SHQ1: variants seen among roughly 807,000 people sequenced by gnomAD.
SHQ1 encodes the protein SHQ1, H/ACA ribonucleoprotein assembly factor.
In SHQ1, 49 loss-of-function variants were observed where a neutral mutation model predicts 53.8. The ratio of observed to expected loss-of-function variants is 0.91; its 90% CI spans 0.72 to 1.16. SHQ1 has a LOEUF of 1.16. Among genes scored for constraint, SHQ1 ranks in the 50% most tolerant of loss-of-function variants. The pLI is 0.00. For synonymous variants in SHQ1, 243 were observed against 251.0 expected (o/e 0.97, Z 0.30); for missense variants, 738 against 683.1 (o/e 1.08, Z -0.90).
the SHQ1 span, among the ~76,000 whole-genome samples, chr3:72,734,576 A>T: frequency 6.6e-6 from 1 of 151,646 alleles, no homozygotes; most frequent in Non-Finnish European, 1.5e-5. Flanking sequence ...CATCATTAAT[A>T]GTAGTAGTAG....
chr3:72,728,622 G>T, the SHQ1 span, among the ~76,000 whole-genome samples: 106 of 152,354 alleles, frequency 7.0e-4, no homozygotes, highest in Middle Eastern at 3.4e-3. Flanking sequence ...CGGCTGCTCT[G>T]AAGTCAAATC....
chr3:72,815,824 T>C (rs1575717563), intron 7 of SHQ1, among the ~76,000 whole-genome samples: 2 of 152,316 alleles, frequency 1.3e-5, no homozygotes, highest in Non-Finnish European at 2.9e-5. Flanking sequence ...GCTAGAAAAT[T>C]TGATCTTTCA....
intron 6 of SHQ1, among the ~76,000 whole-genome samples, chr3:72,820,551 T>C (rs895493706): frequency 2.0e-5 from 3 of 152,160 alleles, no homozygotes; most frequent in Non-Finnish European, 2.9e-5. Flanking sequence ...CTGTAAATCA[T>C]ATCACCCAAA....
At chr3:72,751,498 G>GTACATATATATATATATATATATA (rs1274696079) in intron 10 of SHQ1, among the ~76,000 whole-genome samples, 1 of 119,864 alleles carries the variant, frequency 8.3e-6, no homozygotes, top group Non-Finnish European at 1.6e-5. Context: ...GTGTGTGTGT[G>GTACATATATATATATATATATATA]TGTGTGTGTG....
intron 10 of SHQ1, among the ~76,000 whole-genome samples, chr3:72,778,293 C>T (rs1705998830): frequency 6.6e-6 from 1 of 151,896 alleles, no homozygotes; most frequent in South Asian, 2.1e-4. Flanking sequence ...GACTCTATCT[C>T]TACAAAAAAT....
At chr3:72,816,809 T>C (rs1364622910) in intron 7 of SHQ1, among the ~76,000 whole-genome samples, 1 of 152,202 alleles carries the variant, frequency 6.6e-6, no homozygotes, top group East Asian at 1.9e-4. Flanking sequence ...ATTTCTCTAT[T>C]TTGTAAAATG....
chr3:72,731,923 T>G, the SHQ1 span, among the ~76,000 whole-genome samples: 1 of 151,304 alleles, frequency 6.6e-6, no homozygotes, highest in East Asian at 1.9e-4. Context: ...GGCTGCGTCC[T>G]GTGAGCACAG....
At chr3:72,833,736 A>G (rs1707910117) in intron 4 of SHQ1, among the ~76,000 whole-genome samples, 1 of 152,240 alleles carries the variant, frequency 6.6e-6, no homozygotes, top group Non-Finnish European at 1.5e-5. Flanking sequence ...AATGGACATT[A>G]GGAAAACTGC....
rs114356583 is a variant in SHQ1, at chr3:72,831,649, C to T, written c.599+720G>A. Among the ~76,000 whole-genome samples, 1,311 of 152,322 alleles carry T rather than the reference C, an allele frequency of 8.6e-3. 30 individuals carry two copies. The highest frequency in any genetic ancestry group is 0.03 in the African/African-American group (1,253 of 41,572). On this transcript the variant is annotated intron_variant, in intron 5 of 10. Coordinates refer to ENST00000325599, the MANE Select transcript of SHQ1 (RefSeq NM_018130.3). Reference sequence around the variant, plus strand: ...AACCCTCATTCTCCACGCATCCTAGCAGAGCCACATGTCCAAGAGAGGTCA... The same window carrying T: ...AACCCTCATTCTCCACGCATCCTAGTAGAGCCACATGTCCAAGAGAGGTCA...
intron 10 of SHQ1, among the ~76,000 whole-genome samples, chr3:72,776,690 G>C (rs1380334218): frequency 6.8e-6 from 1 of 147,394 alleles, no homozygotes; most frequent in African/African-American, 2.7e-5. Context: ...GAAAACTTAA[G>C]AGAGTCATAC....
intron 9 of SHQ1, among the ~76,000 whole-genome samples, chr3:72,796,025 C>T (rs938894905): frequency 1.3e-5 from 2 of 149,564 alleles, no homozygotes; most frequent in Admixed American, 1.3e-4. Flanking sequence ...ATCACTGGAC[C>T]CGGGGAGGCA....
At chr3:72,777,901 A>C (rs984338170) in intron 10 of SHQ1, among the ~76,000 whole-genome samples, 1 of 152,220 alleles carries the variant, frequency 6.6e-6, no homozygotes, top group Non-Finnish European at 1.5e-5. Context: ...AACTCTATGC[A>C]TCATCATGGA....
At chr3:72,742,619 C>CTTT in the SHQ1 span, among the ~76,000 whole-genome samples, 25,521 of 128,192 alleles carry the variant, frequency 0.2, 2,676 homozygotes, top group Non-Finnish European at 0.23. Flanking sequence ...TTCTTTTTTT[C>CTTT]TTTTTTTTTT....
the SHQ1 span, among the ~76,000 whole-genome samples, chr3:72,738,826 AC>A: frequency 1.3e-5 from 2 of 151,676 alleles, no homozygotes; most frequent in Admixed American, 6.6e-5. Flanking sequence ...CCGCTGGGAG[AC>A]CCTCCTCCAG....
chr3:72,752,250 A>C (rs1433812302), intron 10 of SHQ1, among the ~76,000 whole-genome samples: 1 of 152,204 alleles, frequency 6.6e-6, no homozygotes, highest in Non-Finnish European at 1.5e-5. Context: ...AAATAACAGG[A>C]AAGATATCAA....
chr3:72,732,516 T>C, the SHQ1 span, among the ~76,000 whole-genome samples: 2 of 150,028 alleles, frequency 1.3e-5, no homozygotes, highest in African/African-American at 5.0e-5. Context: ...CCAGGTACTT[T>C]GGAACCTTGG....
chr3:72,727,283 A>G, the SHQ1 span, among the ~76,000 whole-genome samples: 1 of 152,102 alleles, frequency 6.6e-6, no homozygotes, highest in Non-Finnish European at 1.5e-5. Flanking sequence ...ATACACAAAC[A>G]TGGCTTCAAA....
intron 10 of SHQ1, among the ~76,000 whole-genome samples, chr3:72,781,532 T>G (rs573193998): frequency 1.3e-5 from 2 of 152,308 alleles, no homozygotes; most frequent in South Asian, 4.1e-4. Context: ...TTTTTCTCAT[T>G]GTTTTGGTGC....
At chr3:72,817,930 T>C (rs1707369924) in intron 6 of SHQ1, among the ~76,000 whole-genome samples, 1 of 152,108 alleles carries the variant, frequency 6.6e-6, no homozygotes, top group Non-Finnish European at 1.5e-5. Context: ...ATCACATACG[T>C]TAGACTTGTG....
Sources: allele counts gnomAD v4.1 joint callset (sites outside exome capture counted in the v4.1 genomes callset), GRCh38; gene constraint gnomAD v4.1.1; transcripts MANE v1.5; gene names NCBI Gene and HGNC (gene_info 2026-07-23, HGNC 2026-07-21).